Variants in AATK observed in about 807,000 individuals in gnomAD.
AATK encodes lemur tail kinase 1.
In AATK, 91 loss-of-function variants were observed where a neutral mutation model predicts 114.3. The observed-to-expected ratio is 0.80, with a 90% CI of 0.67 to 0.95. The LOEUF is 0.95. AATK is among the 40% of genes least tolerant of loss of function. The pLI, the probability that AATK is intolerant of heterozygous loss-of-function variation, is 0.00. For synonymous variants in AATK, 1,075 were observed against 916.5 expected (o/e 1.17, Z -3.12); for missense variants, 2,176 against 1,965.2 (o/e 1.11, Z -2.03).
intron 12 of AATK, among the ~76,000 whole-genome samples, 157 bp downstream of exon 12, chr17:81,119,779 C>A (rs868041305): frequency 4.6e-5 from 7 of 151,442 alleles, no homozygotes; most frequent in African/African-American, 1.7e-4. Flanking sequence ...ACGTACCAGA[C>A]CCGCCTCCCA....
At chr17:81,156,237 TATGTTACAATGTATGTTACC>T (rs2061364741) in intron 1 of AATK, among the ~76,000 whole-genome samples, 2 of 151,508 alleles carry the variant, frequency 1.3e-5, no homozygotes, top group East Asian at 1.9e-4. Context: ...TGTATGTTAC[TATGTTACAATGTATGTTACC>T]ATGTTACAAT....
chr17:81,127,917 G>A lies in AATK; in HGVS notation c.415-7C>T. ...TCACCTCCCCCAGGAACACCTGTGG[G>A]ACAGACAGCATCACCCACGGCTGCT... On this transcript the variant is annotated splice_polypyrimidine_tract_variant and splice_region_variant and intron_variant, in intron 4 of 13. Transcript: ENST00000326724. The A allele has an allele frequency of 6.5e-7, 1 of 1,548,600 alleles. No individual in the cohort carries two copies. Among genetic ancestry groups the A allele is most frequent in the East Asian group, 2.4e-5 (1 of 40,926 alleles).
chr17:81,161,705 G>A (rs1264774561), intron 1 of AATK, among the ~76,000 whole-genome samples: 7 of 152,186 alleles, frequency 4.6e-5, no homozygotes, highest in Non-Finnish European at 4.4e-5. Context: ...GAGAAGTTAT[G>A]AGACCTGTCC....
chr17:81,118,999 C>T (rs927519222), intron 13 of AATK, among the ~76,000 whole-genome samples: 1 of 152,198 alleles, frequency 6.6e-6, no homozygotes, highest in Non-Finnish European at 1.5e-5. Flanking sequence ...AGGGCTCCAC[C>T]TGGGCACCGT....
intron 2 of AATK, chr17:81,133,341 G>A (rs373385722): frequency 6.2e-5 from 24 of 384,452 alleles, no homozygotes; most frequent in East Asian, 3.0e-4. Context: ...CCCATTCTGC[G>A]TCATGACATA....
intron 1 of AATK, among the ~76,000 whole-genome samples, chr17:81,149,327 G>A (rs2061264801): frequency 6.6e-6 from 1 of 152,096 alleles, no homozygotes; most frequent in Non-Finnish European, 1.5e-5. Flanking sequence ...GGACTGCCCT[G>A]GAGTTTCCCA....
Position 81,131,076 on chromosome 17 carries a change from G to T in AATK, c.319C>A (p.Gln107Lys). Residue 107 changes from glutamine to lysine, a missense_variant, in exon 3 of 14, where the codon CAG becomes AAG. This residue lies in a region of AATK where 178 missense variants were observed against 175.4 expected (regional missense o/e 1.01). Transcript: ENST00000326724. Reference sequence around the variant, plus strand: ...CAGCCCTCACCTGAGCGCCCAGGCTGCTTGGCCATGGGCAAGGAGACCTCC... The same window carrying T: ...CAGCCCTCACCTGAGCGCCCAGGCTTCTTGGCCATGGGCAAGGAGACCTCC... Reference protein sequence around the residue: ...LTEVSLPMAKQPGRSVQLLKS... With the variant: ...LTEVSLPMAKKPGRSVQLLKS... The T allele has an allele frequency of 6.4e-7, 1 of 1,553,898 alleles. No homozygotes were observed.
Position 81,121,304 on chromosome 17 carries a change from C to T in AATK, c.2632G>A (p.Gly878Ser), listed in dbSNP as rs751468990. The change falls in exon 11 of 14, where the codon GGC becomes AGC. Residue 878 changes from glycine to serine, a missense_variant. This residue lies in a region of AATK where 1,701 missense variants were observed against 1,394.7 expected (regional missense o/e 1.22). Coordinates refer to ENST00000326724, the MANE Select transcript of AATK (RefSeq NM_001080395.3). The part of the protein sequence containing the change: ...SGIFTDTSSD[G>S]LQARRPDVVP... ...ACATCCGGCCTCCTGGCCTGCAGGC[C>T]GTCGCTGGACGTGTCGGTGAAGATG... is the stretch of plus-strand genomic sequence containing the variant. 1.4e-5 allele frequency: 22 copies of T among 1,611,456 alleles called. No homozygotes were observed. Among genetic ancestry groups the T allele is most frequent in the African/African-American group, 2.7e-5 (2 of 74,642 alleles).
chr17:81,164,399 G>C (rs2061461189), intron 1 of AATK, among the ~76,000 whole-genome samples: 1 of 152,202 alleles, frequency 6.6e-6, no homozygotes, highest in Non-Finnish European at 1.5e-5. Context: ...CTGGTAGGTG[G>C]GCCCCAGAGC....
chr17:81,160,357 G>A (rs1384421913), intron 1 of AATK: 13 of 608,648 alleles, frequency 2.1e-5, no homozygotes, highest in Admixed American at 6.7e-5. Flanking sequence ...CCCAGGCCCC[G>A]GTCCCTGCGG....
chr17:81,119,110 G>A (rs1283282635), intron 13 of AATK, among the ~76,000 whole-genome samples: 1 of 152,072 alleles, frequency 6.6e-6, no homozygotes, highest in Non-Finnish European at 1.5e-5. Flanking sequence ...GTCAGGCAGA[G>A]GAGAGCCGAG....
chr17:81,121,635 C>T lies in AATK; in HGVS notation c.2301G>A (p.Glu767=), dbSNP rs1214758245. The T allele has an allele frequency of 4.0e-6, 6 of 1,492,744 alleles. No individual in the cohort carries two copies. The Admixed American group carries it at 1.4e-4, about 36-fold the overall frequency. 92.5% of individuals were successfully genotyped at this position (1,492,744 alleles called of 1,614,324 possible). ...APCLVTPSWT[E]TASSGGDHPQ... Reference sequence around the variant, plus strand: ...GGTGGTCACCCCCACTACTGGCTGTCTCTGTCCAGGAGGGTGTAACCAGGC... The same window carrying T: ...GGTGGTCACCCCCACTACTGGCTGTTTCTGTCCAGGAGGGTGTAACCAGGC... Residue 767 remains glutamate, a synonymous_variant, in exon 11 of 14, where the codon GAG becomes GAA. Coordinates refer to ENST00000326724, the MANE Select transcript of AATK (RefSeq NM_001080395.3).
intron 2 of AATK, chr17:81,132,664 C>T (rs368503935): frequency 1.3e-4 from 41 of 310,694 alleles, no homozygotes; most frequent in Non-Finnish European, 1.9e-4. Flanking sequence ...ACCTGCTGCC[C>T]GGGGGCCAGC....
chr17:81,145,693 A>G (rs931648133), intron 1 of AATK, among the ~76,000 whole-genome samples: 3 of 138,806 alleles, frequency 2.2e-5, no homozygotes, highest in African/African-American at 8.2e-5. Context: ...AAATCGTGCC[A>G]TTGCACTCCA....
intron 1 of AATK, among the ~76,000 whole-genome samples, chr17:81,158,733 G>T (rs956357872): frequency 6.6e-6 from 1 of 152,180 alleles, no homozygotes; most frequent in African/African-American, 2.4e-5. Flanking sequence ...GACATCTTTC[G>T]CCACAGAAAG....
intron 1 of AATK, chr17:81,135,721 A>G (rs2060999449): frequency 6.6e-6 from 1 of 152,304 alleles, no homozygotes; most frequent in South Asian, 2.1e-4. Context: ...GGCGTGAGCT[A>G]GAAGACAGTG....
chr17:81,128,190 A>G (rs374354306), intron 4 of AATK, among the ~76,000 whole-genome samples: 1 of 152,134 alleles, frequency 6.6e-6, no homozygotes, highest in African/African-American at 2.4e-5. Flanking sequence ...AGAGGGACCC[A>G]GGTGTCTCGT....
intron 1 of AATK, among the ~76,000 whole-genome samples, chr17:81,157,161 G>T (rs184333513): frequency 2.6e-5 from 4 of 152,336 alleles, no homozygotes; most frequent in Non-Finnish European, 5.9e-5. Context: ...CACCGCCCCC[G>T]CCAAGAGAGG....
intron 1 of AATK, among the ~76,000 whole-genome samples, chr17:81,156,179 TGTTACAATGTATGTTATC>T (rs2061362674): frequency 5.6e-4 from 4 of 7,112 alleles, no homozygotes; most frequent in African/African-American, 4.7e-4. Flanking sequence ...TGTATGTTAC[TGTTACAATGTATGTTATC>T]ATGTTACAAT....
Sources: allele counts gnomAD v4.1 joint callset (sites outside exome capture counted in the v4.1 genomes callset), GRCh38; gene constraint gnomAD v4.1.1; regional missense constraint gnomAD v4.1.1; transcripts MANE v1.5; gene names NCBI Gene and HGNC (gene_info 2026-07-23, HGNC 2026-07-21).